Variants in SYNE2 observed in about 807,000 individuals in gnomAD.
SYNE2 encodes the protein nesprin-2.
A neutral mutation model predicts 856.3 loss-of-function variants in SYNE2; 431 were observed. The ratio of observed to expected loss-of-function variants is 0.50; its 90% CI spans 0.47 to 0.55. The LOEUF (loss-of-function observed/expected upper bound fraction) is 0.55. Among genes scored for constraint, SYNE2 ranks in the 20% least tolerant of loss-of-function variants. The probability of loss-of-function intolerance (pLI) is 0.00; values close to 1 mark genes in which losing one functional copy is unlikely to be tolerated. For synonymous variants in SYNE2, 2,923 were observed against 2,872.3 expected (o/e 1.02, Z -0.56); for missense variants, 8,129 against 8,023.2 (o/e 1.01, Z -0.50).
chr14:63,899,943 T>C (rs2095313539), intron 1 of SYNE2, among the ~76,000 whole-genome samples: 1 of 152,252 alleles, frequency 6.6e-6, no homozygotes, highest in African/African-American at 2.4e-5. Context: ...TAATAGTATT[T>C]AATAAATGTT....
At chr14:64,221,764 GCA>G (rs1184190901) in intron 112 of SYNE2, 60 bp downstream of exon 112, 1 of 1,587,592 alleles carries the variant, frequency 6.3e-7, no homozygotes, top group Non-Finnish European at 8.6e-7. Flanking sequence ...CAGAGAGGCA[GCA>G]CACTCAGGTA....
In SYNE2 at chr14:64,170,377, C is replaced by G. The variant is rs780666104; in HGVS notation, c.17150C>G (p.Thr5717Ser). 8.1e-6 allele frequency: 13 copies of G among 1,614,230 alleles called. No homozygotes were observed. The highest frequency in any genetic ancestry group is 1.6e-4 in the Middle Eastern group (1 of 6,062). ...TSVENLFRFL[T>S]DTSHLLSAVK... The stretch of plus-strand genomic sequence containing the variant: ...GTGGAGAACTTGTTTCGCTTCCTCA[C>G]TGACACCAGCCACCTGCTATCTGCA... Residue 5717 changes from threonine to serine, a missense_variant, in exon 94 of 116, where the codon ACT becomes AGT. By Grantham distance (58) the Thr-to-Ser change is moderately conservative. This residue lies in a region of SYNE2 where 5,410 missense variants were observed against 5,284.8 expected (regional missense o/e 1.02). Transcript: ENST00000555002.
chr14:63,786,188 T>G (rs576022081), intron 1 of SYNE2, among the ~76,000 whole-genome samples: 1 of 151,594 alleles, frequency 6.6e-6, no homozygotes, highest in Non-Finnish European at 1.5e-5. Flanking sequence ...AGGCGGAGTT[T>G]GCAGTGAACT....
At chr14:63,769,391 A>G (rs1886807588) in intron 1 of SYNE2, among the ~76,000 whole-genome samples, 1 of 152,144 alleles carries the variant, frequency 6.6e-6, no homozygotes, top group Non-Finnish European at 1.5e-5. Flanking sequence ...CCTGGAGACC[A>G]GGCACAGTGG....
In SYNE2 at chr14:64,003,051, A is replaced by G. The variant is rs1415989983; in HGVS notation, c.4118A>G (p.Lys1373Arg). 1.2e-6 allele frequency: 2 copies of G among 1,614,212 alleles called. No homozygotes were observed. Among genetic ancestry groups the G allele is most frequent in the Non-Finnish European group, 8.5e-7 (1 of 1,180,038 alleles). Residue 1373 changes from lysine (K) to arginine (R), a missense_variant, in exon 30 of 116, where the codon AAG becomes AGG. Coordinates refer to ENST00000555002, the MANE Select transcript of SYNE2 (RefSeq NM_182914.3). ...GGAGAAATTCATCTGATGAAAGACA[A>G]GGCCAAACATTTGGATAAATGTTTG... ...KEGEIHLMKD[K>R]AKHLDKCLKM... is the part of the protein sequence containing the mutation.
chr14:64,106,506 G>A lies in SYNE2; in HGVS notation c.12493-985G>A, dbSNP rs151309414. 1.2e-3 allele frequency among the ~76,000 whole-genome samples: 182 copies of A among 152,236 alleles called. 4 individuals are homozygous for A. The East Asian group carries it at 0.019, about 16-fold the overall frequency. ...CTACTAAAAATACAAAAAATTAGCT[G>A]GGCGTGGTGGCGGGTGCCTGTAGTC... is the stretch of plus-strand genomic sequence containing the variant. On this transcript the variant is annotated intron_variant, in intron 64 of 115. Transcript: ENST00000555002.
At chr14:63,830,055 G>A (rs1268599229) in intron 1 of SYNE2, among the ~76,000 whole-genome samples, 2 of 152,178 alleles carry the variant, frequency 1.3e-5, no homozygotes, top group African/African-American at 2.4e-5. Flanking sequence ...AAGGAATGAA[G>A]TGCTGATACA....
chr14:64,171,075 C>G (rs2153726496), intron 94 of SYNE2, among the ~76,000 whole-genome samples: 1 of 152,200 alleles, frequency 6.6e-6, no homozygotes, highest in East Asian at 1.9e-4. Flanking sequence ...CATGCACTCA[C>G]AAAATTTTAA....
At chr14:63,781,225 C>T (rs1476242325) in intron 1 of SYNE2, among the ~76,000 whole-genome samples, 1 of 151,374 alleles carries the variant, frequency 6.6e-6, no homozygotes, top group Non-Finnish European at 1.5e-5. Context: ...TTGCGGTGAG[C>T]CGAGATCGCG....
intron 1 of SYNE2, among the ~76,000 whole-genome samples, chr14:63,845,808 T>G (rs1890208806): frequency 6.7e-6 from 1 of 150,172 alleles, no homozygotes; most frequent in Non-Finnish European, 1.5e-5. Flanking sequence ...TGGTTTGATC[T>G]CAACTCACTG....
chr14:63,946,649 GATATA>G (rs67639437), intron 6 of SYNE2, among the ~76,000 whole-genome samples: 28,359 of 145,620 alleles, frequency 0.19, 3,106 homozygotes, highest in African/African-American at 0.31. Flanking sequence ...TAATATATAT[GATATA>G]ATATATATAC....
At chr14:64,174,835 T>C in intron 94 of SYNE2, 109 bp from the exon 95 acceptor site, 1 of 999,148 alleles carries the variant, frequency 1.0e-6, no homozygotes, top group Non-Finnish European at 1.5e-6. Flanking sequence ...CTAATTTATA[T>C]CTAGTTTAAC....
chr14:64,151,790 C>T (rs1473238019), intron 84 of SYNE2, among the ~76,000 whole-genome samples: 2 of 152,282 alleles, frequency 1.3e-5, no homozygotes, highest in East Asian at 3.9e-4. Flanking sequence ...TTGTGTTTTC[C>T]AGTTTCTTTG....
rs780442522 is a variant in SYNE2 at position 64,211,969 on chromosome 14, C to T, written c.18732C>T (p.Thr6244=). The T allele has an allele frequency of 1.9e-6, 3 of 1,614,036 alleles. No individual in the cohort carries two copies. The South Asian group carries it at 3.3e-5, about 18-fold the overall frequency. ...CCTCCCCACTTTTGCAGCATTTCAC[C>T]AACCAGAGGGAAGAATTTGAGGGCA... The part of the protein sequence containing the change: ...TAVLRRLRHF[T]NQREEFEGTR... Residue 6244 remains threonine (T), a synonymous_variant, in exon 104 of 116, where the codon ACC becomes ACT. Coordinates refer to ENST00000555002, the MANE Select transcript of SYNE2 (RefSeq NM_182914.3).
At chr14:64,087,621 A>T in intron 57 of SYNE2, 50 bp from the exon 58 acceptor site, 1 of 1,571,246 alleles carries the variant, frequency 6.4e-7, no homozygotes, top group Non-Finnish European at 8.8e-7. Flanking sequence ...ATCAGCTTAT[A>T]TCAGGATCTT....
chr14:63,984,853 C>T (rs1289840561), intron 18 of SYNE2, among the ~76,000 whole-genome samples: 3 of 152,272 alleles, frequency 2.0e-5, no homozygotes, highest in East Asian at 3.9e-4. Context: ...CTAGAGTCTT[C>T]TGATACATTT....
intron 1 of SYNE2, among the ~76,000 whole-genome samples, chr14:63,879,448 G>A (rs1461795813): frequency 1.3e-5 from 2 of 152,130 alleles, no homozygotes; most frequent in Non-Finnish European, 2.9e-5. Flanking sequence ...GCCCACAAAG[G>A]GTCTCCATCC....
At chr14:63,765,243 C>T (rs1175055268) in intron 1 of SYNE2, among the ~76,000 whole-genome samples, 1 of 152,154 alleles carries the variant, frequency 6.6e-6, no homozygotes, top group East Asian at 1.9e-4. Flanking sequence ...AGCAGAAGGG[C>T]AAGGGATGGA....
chr14:64,137,715 T>C (rs2098106387), intron 78 of SYNE2, 72 bp from the exon 79 acceptor site: 1 of 1,484,150 alleles, frequency 6.7e-7, no homozygotes, highest in Admixed American at 1.8e-5. Flanking sequence ...CAGTTTTAAA[T>C]GCAGTATTTG....
Sources: gnomAD v4.1 joint callset for allele counts (sites outside exome capture counted in the v4.1 genomes callset) on GRCh38, gnomAD v4.1.1 for gene constraint, gnomAD v4.1.1 regional missense constraint, MANE v1.5 for transcripts, NCBI Gene and HGNC (gene_info 2026-07-23, HGNC 2026-07-21) for gene names.